HEATR4: variants seen among roughly 807,000 people sequenced by gnomAD.
The protein encoded by HEATR4 is HEAT repeat-containing protein 4.
A neutral mutation model predicts 108.8 loss-of-function variants in HEATR4; 95 were observed. The ratio of observed to expected loss-of-function variants is 0.87; its 90% CI spans 0.74 to 1.04. The LOEUF (loss-of-function observed/expected upper bound fraction) is 1.04, where lower values mean the gene tolerates loss of function less well. HEATR4 is among the 50% of genes least tolerant of loss of function. HEATR4 has a pLI of 0.00. For synonymous variants in HEATR4, 443 were observed against 459.4 expected (o/e 0.96, Z 0.46); for missense variants, 1,152 against 1,253.8 (o/e 0.92, Z 1.23).
At chr14:73,609,443 C>A in the HEATR4 span, among the ~76,000 whole-genome samples, 2 of 152,050 alleles carry the variant, frequency 1.3e-5, no homozygotes, top group Non-Finnish European at 2.9e-5. Flanking sequence ...ATGCACCATG[C>A]TTATTAGGAA....
chr14:73,509,669 G>A (rs1399495894), intron 7 of HEATR4, among the ~76,000 whole-genome samples, 196 bp from the exon 8 acceptor site: 3 of 151,278 alleles, frequency 2.0e-5, no homozygotes, highest in Non-Finnish European at 2.9e-5. Context: ...TCACCTGTGT[G>A]CTGGTATGCC....
At position 73,533,551 on chromosome 14, in the gene HEATR4, C is replaced by T. The variant is rs143442359; in HGVS notation, c.-151-3307G>A. On this transcript the variant is annotated intron_variant, in intron 1 of 17. Transcript: ENST00000553558. ...AAAATTAGCTGGGTGTCCTGGTACG[C>T]GCCTGTAGTCCCAGCTACCTGGGAG... is the stretch of plus-strand genomic sequence containing the variant. 5.2e-3 allele frequency among the ~76,000 whole-genome samples: 589 copies of T among 113,290 alleles called. 133 individuals are homozygous for T. Among genetic ancestry groups the T allele is most frequent in the African/African-American group, 0.015 (534 of 34,816 alleles). 74.3% of individuals were successfully genotyped at this position (113,290 alleles called of 152,430 possible). A position where few individuals can be genotyped will look rare whatever the true frequency, so the allele number is the denominator to read the frequency against.
the HEATR4 span, among the ~76,000 whole-genome samples, chr14:73,586,162 G>A: frequency 2.0e-5 from 3 of 149,292 alleles, no homozygotes; most frequent in South Asian, 6.4e-4. Flanking sequence ...GGGAGGCCGA[G>A]GCGAGTGGAT....
At chr14:73,632,015 A>G in the HEATR4 span, 1 of 154,866 alleles carries the variant, frequency 6.5e-6, no homozygotes, top group Non-Finnish European at 1.4e-5. Flanking sequence ...CCAGTGGTTG[A>G]CTATGGATAC....
At chr14:73,546,205 T>G (rs1395890569) in intron 1 of HEATR4, among the ~76,000 whole-genome samples, 1 of 113,132 alleles carries the variant, frequency 8.8e-6, no homozygotes, top group Non-Finnish European at 1.9e-5. Context: ...GGTCTCGAAC[T>G]CCTGACCTCA....
intron 12 of HEATR4, among the ~76,000 whole-genome samples, chr14:73,499,995 C>T (rs552969180): frequency 2.0e-5 from 3 of 152,228 alleles, no homozygotes; most frequent in African/African-American, 7.2e-5. Context: ...TTTGGGAGGC[C>T]GAGGCGGGCG....
intron 17 of HEATR4, among the ~76,000 whole-genome samples, chr14:73,485,395 A>G (rs1885412867): frequency 6.9e-6 from 1 of 144,598 alleles, no homozygotes; most frequent in East Asian, 2.1e-4. Context: ...CTTTGTACAC[A>G]TGGGTGAATT....
intron 7 of HEATR4, 71 bp from the exon 8 acceptor site, chr14:73,509,544 A>T: frequency 6.5e-7 from 1 of 1,546,732 alleles, no homozygotes; most frequent in Non-Finnish European, 8.9e-7. Context: ...TCCTTCCTAC[A>T]GCCATGTGGT....
intron 17 of HEATR4, among the ~76,000 whole-genome samples, chr14:73,485,912 C>T (rs1396402855): frequency 2.6e-5 from 4 of 151,978 alleles, no homozygotes; most frequent in Non-Finnish European, 5.9e-5. Context: ...CAGCGTCTCA[C>T]CATGTTGCTC....
intron 6 of HEATR4, among the ~76,000 whole-genome samples, 176 bp downstream of exon 6, chr14:73,513,855 A>T (rs1275888801): frequency 6.6e-6 from 1 of 151,782 alleles, no homozygotes; most frequent in African/African-American, 2.4e-5. Context: ...ATATATGTTA[A>T]CTGAAGTTCA....
At chr14:73,566,327 G>T in the HEATR4 span, among the ~76,000 whole-genome samples, 1 of 152,100 alleles carries the variant, frequency 6.6e-6, no homozygotes, top group African/African-American at 2.4e-5. Context: ...CCCGCACCGT[G>T]AGCCCACACT....
chr14:73,484,847 C>G (rs1046211351), intron 17 of HEATR4, among the ~76,000 whole-genome samples: 1 of 151,454 alleles, frequency 6.6e-6, no homozygotes, highest in African/African-American at 2.4e-5. Flanking sequence ...CACACACACA[C>G]ACACACACAC....
At chr14:73,512,815 CA>C (rs1887346926) in intron 6 of HEATR4, among the ~76,000 whole-genome samples, 2 of 152,140 alleles carry the variant, frequency 1.3e-5, no homozygotes, top group Admixed American at 1.3e-4. Flanking sequence ...GTGTTTCCTT[CA>C]GTCTTTTTTG....
intron 17 of HEATR4, among the ~76,000 whole-genome samples, chr14:73,484,618 G>A (rs1240535538): frequency 1.3e-5 from 2 of 151,866 alleles, no homozygotes; most frequent in South Asian, 2.1e-4. Flanking sequence ...GGCCCCAAGT[G>A]ATCCTCCCGC....
chr14:73,523,775 C>G (rs905153233), intron 2 of HEATR4, among the ~76,000 whole-genome samples: 1 of 152,160 alleles, frequency 6.6e-6, no homozygotes, highest in African/African-American at 2.4e-5. Context: ...TTGTGCTGCT[C>G]CATAACTCTT....
In HEATR4 at chr14:73,478,749, G is replaced by C. The variant is rs746559676; in HGVS notation, c.2938C>G (p.Leu980Val). The part of the protein sequence containing the change: ...SKVRSSLVKD[L>V]RTSPEKRIAV... ...ATCCTTTTCTCGGGGGAGGTGCGTAGATCTTTGACAAGTGATGAACGAACT... is the reference window on the plus strand; with the variant it reads ...ATCCTTTTCTCGGGGGAGGTGCGTACATCTTTGACAAGTGATGAACGAACT... The change falls in exon 18 of 18, where the codon CTA becomes GTA. Residue 980 changes from leucine to valine, a missense_variant. Transcript: ENST00000553558. 2 of 1,614,080 alleles carry C rather than the reference G, an allele frequency of 1.2e-6. No individual in the cohort carries two copies. The highest frequency in any genetic ancestry group is 2.2e-5 in the East Asian group (1 of 44,878).
chr14:73,606,998 G>A, the HEATR4 span, among the ~76,000 whole-genome samples: 7 of 152,152 alleles, frequency 4.6e-5, no homozygotes, highest in African/African-American at 1.4e-4. Flanking sequence ...TGGTTACAAC[G>A]TCAAGCTCTC....
intron 17 of HEATR4, among the ~76,000 whole-genome samples, chr14:73,481,771 G>C (rs1885268566): frequency 6.6e-6 from 1 of 152,084 alleles, no homozygotes; most frequent in Non-Finnish European, 1.5e-5. Context: ...CGTGAACCTG[G>C]GAGGCGGAGC....
chr14:73,559,972 A>G (rs1889490567), upstream of HEATR4, among the ~76,000 whole-genome samples: 1 of 152,032 alleles, frequency 6.6e-6, no homozygotes, highest in Non-Finnish European at 1.5e-5. Context: ...TTGCCCACAC[A>G]GTTCAATCCC....
Sources: gnomAD v4.1 joint callset for allele counts (sites outside exome capture counted in the v4.1 genomes callset) on GRCh38, gnomAD v4.1.1 for gene constraint, MANE v1.5 for transcripts, NCBI Gene and HGNC (gene_info 2026-07-23, HGNC 2026-07-21) for gene names.